Variants in BFAR observed in about 807,000 individuals in gnomAD.
BFAR encodes bifunctional apoptosis regulator.
BFAR carries 52 observed loss-of-function variants against 54.4 expected under a neutral mutation model. The observed-to-expected ratio is 0.96, with a 90% CI of 0.77 to 1.21. The LOEUF (loss-of-function observed/expected upper bound fraction) is 1.21. Ranked by LOEUF, BFAR falls within the 50% of genes most tolerant of loss-of-function variation. The pLI, the probability that BFAR is intolerant of heterozygous loss-of-function variation, is 0.00. For synonymous variants in BFAR, 215 were observed against 204.3 expected (o/e 1.05, Z -0.45); for missense variants, 571 against 534.0 (o/e 1.07, Z -0.68).
At chr16:14,661,149 G>T (rs971488883) in intron 5 of BFAR, among the ~76,000 whole-genome samples, 1 of 152,168 alleles carries the variant, frequency 6.6e-6, no homozygotes, top group Admixed American at 6.5e-5. Context: ...AGTATCTGCT[G>T]TAACTGTAGA....
intron 6 of BFAR, 114 bp from the exon 7 acceptor site, chr16:14,664,755 C>G: frequency 3.0e-6 from 3 of 994,786 alleles, no homozygotes; most frequent in Non-Finnish European, 4.7e-6. Context: ...CCACCTAGGC[C>G]TCCCAAAGTG....
At chr16:14,660,993 G>C (rs77512032) in intron 5 of BFAR, among the ~76,000 whole-genome samples, 2 of 152,102 alleles carry the variant, frequency 1.3e-5, no homozygotes, top group Non-Finnish European at 1.5e-5. Context: ...GCCTCCCAAA[G>C]TGTTAGGATT....
chr16:14,666,084 G>C (rs2151845854), intron 7 of BFAR, among the ~76,000 whole-genome samples: 1 of 152,268 alleles, frequency 6.6e-6, no homozygotes, highest in South Asian at 2.1e-4. Flanking sequence ...TCCAGACTTT[G>C]ATCTGTGCAG....
At chr16:14,659,479 G>A (rs1960228852) in intron 5 of BFAR, among the ~76,000 whole-genome samples, 1 of 151,590 alleles carries the variant, frequency 6.6e-6, no homozygotes, top group Non-Finnish European at 1.5e-5. Context: ...CCTGACCTCA[G>A]GCAATCTGCC....
chr16:14,657,962 C>T (rs975028423), intron 5 of BFAR, among the ~76,000 whole-genome samples: 11 of 152,050 alleles, frequency 7.2e-5, no homozygotes, highest in African/African-American at 2.7e-4. Flanking sequence ...GTCAAGTAAT[C>T]CTCCCACCTC....
In BFAR at chr16:14,664,989, C is replaced by T. The variant is rs778879430; in HGVS notation, c.1078C>T (p.Arg360Trp). 5.6e-6 allele frequency: 9 copies of T among 1,613,884 alleles called. No individual in the cohort carries two copies. The Admixed American group carries it at 8.3e-5, about 15-fold the overall frequency. Reference sequence around the variant, plus strand: ...GTTGGAGGTCCATTACTGGACATCACGGTTTCTCATCATCAATGCTATGTT... The same window carrying T: ...GTTGGAGGTCCATTACTGGACATCATGGTTTCTCATCATCAATGCTATGTT... ...DWLEVHYWTS[R>W]FLIINAMLLS... The change falls in exon 7 of 8, where the codon CGG becomes TGG. Residue 360 changes from arginine (R) to tryptophan (W), a missense_variant. Arg to Trp is a moderately radical substitution (Grantham distance 101). Transcript: ENST00000261658.
At chr16:14,642,630 G>A (rs998877206) in intron 1 of BFAR, among the ~76,000 whole-genome samples, 2 of 152,162 alleles carry the variant, frequency 1.3e-5, no homozygotes, top group Admixed American at 1.3e-4. Context: ...TGGAGGGAAA[G>A]GGTATATTGA....
chr16:14,637,481 G>A (rs570041412), intron 1 of BFAR, among the ~76,000 whole-genome samples: 12 of 152,126 alleles, frequency 7.9e-5, no homozygotes, highest in Non-Finnish European at 1.6e-4. Flanking sequence ...AAATGAACAT[G>A]GTAGTAATGC....
intron 5 of BFAR, among the ~76,000 whole-genome samples, chr16:14,660,433 C>T (rs1960256650): frequency 6.6e-6 from 1 of 151,854 alleles, no homozygotes; most frequent in South Asian, 2.1e-4. Context: ...ATTACAGGCA[C>T]ATGCCACCAA....
intron 1 of BFAR, chr16:14,643,745 C>G (rs1230268889): frequency 6.6e-6 from 1 of 151,976 alleles, no homozygotes; most frequent in Non-Finnish European, 1.5e-5. Context: ...TGGACTCCAG[C>G]CTTGTTGAGA....
chr16:14,656,022 C>T, intron 5 of BFAR, among the ~76,000 whole-genome samples: 1 of 151,924 alleles, frequency 6.6e-6, no homozygotes, highest in East Asian at 1.9e-4. Context: ...CCAGCCTGGC[C>T]AACGTGGTGA....
chr16:14,658,811 ATCACTACCATGTCCTGCTTGAAAAGT>A, intron 5 of BFAR, among the ~76,000 whole-genome samples: 1 of 152,026 alleles, frequency 6.6e-6, no homozygotes, highest in African/African-American at 2.4e-5. Flanking sequence ...TCACTCCTGT[ATCACTACCATGTCCTGCTTGAAAAGT>A]AAGGACTTTT....
intron 1 of BFAR, among the ~76,000 whole-genome samples, chr16:14,637,700 C>G (rs1808452): frequency 0.66 from 100,521 of 151,814 alleles, 33,758 homozygotes; most frequent in South Asian, 0.73. Flanking sequence ...ATGGTGGCGC[C>G]TGCTTGTAAT....
Position 14,644,420 on chromosome 16 carries a change from C to T in BFAR, c.74C>T (p.Pro25Leu). Residue 25 changes from proline to leucine, a missense_variant, in exon 2 of 8, where the codon CCT becomes CTT. Physicochemically the swap from Pro to Leu is moderately conservative, Grantham distance 98 (BLOSUM62 -3). Transcript: ENST00000261658. ...ERDEPLKSTG[P>L]QISVSEFSCH... is the part of the protein sequence containing the mutation. ...GATGAACCTCTCAAAAGCACCGGCC[C>T]TCAGATTTCTGTTAGTGAATTTTCT... is the stretch of plus-strand genomic sequence containing the variant. 1 of 1,613,948 alleles carries T rather than the reference C, an allele frequency of 6.2e-7. No homozygotes were observed. Among genetic ancestry groups the T allele is most frequent in the Non-Finnish European group, 8.5e-7 (1 of 1,179,928 alleles).
chr16:14,645,315 AAAAGAAAG>A (rs564948559), intron 2 of BFAR, among the ~76,000 whole-genome samples: 37 of 152,182 alleles, frequency 2.4e-4, no homozygotes, highest in Non-Finnish European at 4.3e-4. Flanking sequence ...GTCTCAAAAA[AAAAGAAAG>A]AAAGAAAGAA....
chr16:14,656,498 A>C (rs1180659915), intron 5 of BFAR, among the ~76,000 whole-genome samples: 1 of 151,900 alleles, frequency 6.6e-6, no homozygotes, highest in African/African-American at 2.4e-5. Context: ...TTCAGAAAAA[A>C]AAAAAAAGGC....
chr16:14,636,314 A>G (rs1959439950), intron 1 of BFAR, among the ~76,000 whole-genome samples: 1 of 152,214 alleles, frequency 6.6e-6, no homozygotes, highest in African/African-American at 2.4e-5. Flanking sequence ...CTTAGTATTT[A>G]TTGATCATTC....
At chr16:14,661,592 A>G (rs1960289454) in intron 5 of BFAR, among the ~76,000 whole-genome samples, 1 of 151,910 alleles carries the variant, frequency 6.6e-6, no homozygotes, top group Non-Finnish European at 1.5e-5. Flanking sequence ...TAGTACAGAC[A>G]GCATTTCACC....
chr16:14,667,503 G>T (rs1222777256), intron 7 of BFAR, 132 bp from the exon 8 acceptor site: 5 of 825,366 alleles, frequency 6.1e-6, no homozygotes, highest in East Asian at 2.5e-5. Flanking sequence ...TCAGGCACCG[G>T]GGACAGAAGA....
Sources: allele counts gnomAD v4.1 joint callset (sites outside exome capture counted in the v4.1 genomes callset), GRCh38; gene constraint gnomAD v4.1.1; transcripts MANE v1.5; gene names NCBI Gene and HGNC (gene_info 2026-07-23, HGNC 2026-07-21).